CERS3: variants seen among roughly 807,000 people sequenced by gnomAD.
The protein encoded by CERS3 is LAG1 homolog, ceramide synthase 3.
CERS3 carries 33 observed loss-of-function variants against 50.3 expected under a neutral mutation model. The observed-to-expected ratio is 0.66, with a 90% CI of 0.50 to 0.88. The LOEUF is 0.88. Among genes scored for constraint, CERS3 ranks in the 40% least tolerant of loss-of-function variants. The probability of loss-of-function intolerance (pLI) is 0.00; values close to 1 mark genes in which losing one functional copy is unlikely to be tolerated. For missense variants in CERS3, 470 were observed against 460.3 expected, an observed-to-expected ratio of 1.02 and a Z score of -0.19; for synonymous variants, 176 against 155.2, an observed-to-expected ratio of 1.13 and a Z score of -0.99.
rs2030467869 is a variant in CERS3 at position 100,400,867 on chromosome 15, G to T, written c.*1846C>A. 6.6e-6 allele frequency: 1 copy of T among 152,120 alleles called. No homozygotes were observed. The highest frequency in any genetic ancestry group is 6.5e-5 in the Admixed American group (1 of 15,286). The allele number at this position is 152,120 out of a possible 1,614,324, so 9.4% of individuals were successfully genotyped here. A position where few individuals can be genotyped will look rare whatever the true frequency, so the allele number is the denominator to read the frequency against. On this transcript the variant is annotated 3_prime_UTR_variant, in exon 12 of 12. Coordinates refer to ENST00000679737, the MANE Select transcript of CERS3 (RefSeq NM_001378789.1). Reference sequence around the variant, plus strand: ...ATAGCTATACCCTAAAGTGGGTGCAGGCATTTTGATTTATAATATCATATT... The same window carrying T: ...ATAGCTATACCCTAAAGTGGGTGCATGCATTTTGATTTATAATATCATATT...
upstream of CERS3, among the ~76,000 whole-genome samples, chr15:100,529,635 G>A (rs780941105): frequency 6.6e-6 from 1 of 152,188 alleles, no homozygotes; most frequent in Non-Finnish European, 1.5e-5. Context: ...AAGTGTGGAT[G>A]CATTTTATAG....
intron 3 of CERS3, among the ~76,000 whole-genome samples, chr15:100,493,242 G>T (rs1446982566): frequency 5.3e-5 from 8 of 151,990 alleles, no homozygotes; most frequent in Non-Finnish European, 8.8e-5. Flanking sequence ...TGTATGCTAG[G>T]CCCACTAGTA....
At chr15:100,441,660 A>T (rs1224634992) in intron 11 of CERS3, among the ~76,000 whole-genome samples, 1 of 152,126 alleles carries the variant, frequency 6.6e-6, no homozygotes, top group Non-Finnish European at 1.5e-5. Flanking sequence ...CTTGACCCCA[A>T]TACAAACTTG....
At position 100,472,966 on chromosome 15, in the gene CERS3, G is replaced by T; in HGVS notation, c.696C>A (p.Thr232=). Reference sequence around the variant, plus strand: ...CCACATCGTGTACAATCATCACGAGGGTCCCACTGCGAATATAATTAGCAC... The same window carrying T: ...CCACATCGTGTACAATCATCACGAGTGTCCCACTGCGAATATAATTAGCAC... The part of the protein sequence containing the change: ...SWCANYIRSG[T]LVMIVHDVAD... Residue 232 remains threonine, a synonymous_variant, in exon 9 of 12, where the codon ACC becomes ACA. Transcript: ENST00000679737. The T allele has an allele frequency of 1.2e-6, 2 of 1,613,926 alleles. No homozygotes were observed. The highest frequency in any genetic ancestry group is 1.7e-6 in the Non-Finnish European group (2 of 1,179,926).
At chr15:100,418,786 T>A (rs1369961264) in intron 11 of CERS3, among the ~76,000 whole-genome samples, 1 of 143,310 alleles carries the variant, frequency 7.0e-6, no homozygotes, top group Non-Finnish European at 1.5e-5. Context: ...TCAACATTCT[T>A]AAAGAAAAGA....
At chr15:100,529,750 G>C (rs1487113751), upstream of CERS3, among the ~76,000 whole-genome samples, 1 of 152,188 alleles carries the variant, frequency 6.6e-6, no homozygotes, top group Non-Finnish European at 1.5e-5. Context: ...GACAAGTAGA[G>C]AGCTTCAACA....
intron 11 of CERS3, among the ~76,000 whole-genome samples, chr15:100,430,788 T>C (rs181177759): frequency 2.0e-5 from 3 of 152,362 alleles, no homozygotes; most frequent in Admixed American, 2.0e-4. Flanking sequence ...TAGGTTCTAA[T>C]TATCCAAGTT....
intron 8 of CERS3, 83 bp downstream of exon 8, chr15:100,476,003 C>A: frequency 3.6e-6 from 3 of 844,110 alleles, no homozygotes; most frequent in Non-Finnish European, 3.6e-6. Context: ...CAGAAAAATA[C>A]AACTTAAAGA....
At chr15:100,493,933 C>T (rs1353333542) in intron 3 of CERS3, among the ~76,000 whole-genome samples, 1 of 151,912 alleles carries the variant, frequency 6.6e-6, no homozygotes, top group Non-Finnish European at 1.5e-5. Context: ...TGTTTTTCTC[C>T]AGTTCTTTGA....
intron 2 of CERS3, among the ~76,000 whole-genome samples, chr15:100,518,107 C>T (rs1055432232): frequency 6.6e-6 from 1 of 152,188 alleles, no homozygotes. Context: ...AATCGTAAGA[C>T]CTCATACTGG....
intron 11 of CERS3, among the ~76,000 whole-genome samples, chr15:100,447,534 G>C (rs1194999613): frequency 6.6e-6 from 1 of 152,160 alleles, no homozygotes; most frequent in Non-Finnish European, 1.5e-5. Flanking sequence ...ATTCGTATTT[G>C]GTTCAGGATA....
intron 10 of CERS3, among the ~76,000 whole-genome samples, chr15:100,468,683 CAT>C (rs1011878489): frequency 6.6e-6 from 1 of 152,196 alleles, no homozygotes; most frequent in African/African-American, 2.4e-5. Flanking sequence ...GTCTTCCCCA[CAT>C]GTTACTCTGG....
At chr15:100,422,948 A>T (rs1247870868) in intron 11 of CERS3, among the ~76,000 whole-genome samples, 38 of 22,024 alleles carry the variant, frequency 1.7e-3, no homozygotes, top group African/African-American at 6.8e-3. Flanking sequence ...GGTGGGGGGG[A>T]GGGGGGAGGG....
chr15:100,484,343 T>G (rs2035422991), intron 5 of CERS3, among the ~76,000 whole-genome samples: 1 of 152,224 alleles, frequency 6.6e-6, no homozygotes, highest in African/African-American at 2.4e-5. Context: ...GGAGGCCCGA[T>G]AAATAGAGTT....
chr15:100,494,872 T>C (rs192081394), intron 3 of CERS3, among the ~76,000 whole-genome samples: 3 of 152,360 alleles, frequency 2.0e-5, no homozygotes, highest in Admixed American at 1.3e-4. Context: ...ACAGGTCTTC[T>C]AGATTTCCAA....
intron 11 of CERS3, among the ~76,000 whole-genome samples, chr15:100,445,454 T>C (rs111660175): frequency 0.28 from 42,666 of 152,104 alleles, 6,218 homozygotes; most frequent in East Asian, 0.42. Context: ...ACTCTCTAAT[T>C]AGATGTCCTA....
At chr15:100,443,941 C>T (rs1028370605) in intron 11 of CERS3, among the ~76,000 whole-genome samples, 2 of 152,158 alleles carry the variant, frequency 1.3e-5, no homozygotes, top group Non-Finnish European at 2.9e-5. Flanking sequence ...ATCCTTTCCC[C>T]ACTCCTCTTT....
chr15:100,429,648 T>G (rs759698981), intron 11 of CERS3, among the ~76,000 whole-genome samples: 7 of 152,172 alleles, frequency 4.6e-5, no homozygotes, highest in Non-Finnish European at 1.0e-4. Context: ...TTGGTTAATT[T>G]TCCAAACATT....
intron 11 of CERS3, among the ~76,000 whole-genome samples, chr15:100,403,743 T>G (rs1389009379): frequency 1.3e-5 from 2 of 152,242 alleles, no homozygotes; most frequent in Non-Finnish European, 2.9e-5. Flanking sequence ...ACATTTAATT[T>G]GTAATCAAAA....
Sources: gnomAD v4.1 joint callset for allele counts (sites outside exome capture counted in the v4.1 genomes callset) on GRCh38, gnomAD v4.1.1 for gene constraint, MANE v1.5 for transcripts, NCBI Gene and HGNC (gene_info 2026-07-23, HGNC 2026-07-21) for gene names.